The following MED16 variants were observed in gnomAD, a reference collection of about 807,000 sequenced individuals.
The protein encoded by MED16 is mediator of RNA polymerase II transcription subunit 16.
In MED16, 81 loss-of-function variants were observed where a neutral mutation model predicts 84.4. The observed-to-expected ratio is 0.96, with a 90% CI of 0.80 to 1.15. MED16 has a LOEUF of 1.15. MED16 is among the 50% of genes most tolerant of loss of function. The pLI is 0.00. For synonymous variants in MED16, 897 were observed against 552.2 expected (o/e 1.62, Z -8.76); for missense variants, 1,585 against 1,245.9 (o/e 1.27, Z -4.10).
At position 871,190 on chromosome 19, in the gene MED16, G is replaced by A. The variant is rs1167708374; in HGVS notation, c.2162C>T (p.Pro721Leu). Residue 721 changes from proline (P) to leucine (L), a missense_variant, in exon 13 of 16, where the codon CCC becomes CTC. Transcript: ENST00000325464. ...CAGGCTGGGGATAAGCAGCTGGCTG[G>A]GCAGCAGGCAGCATTCATCCACCAG... ...EALVDECCLLPSQLLIPSLDW... is the reference protein window; with the variant it reads ...EALVDECCLLLSQLLIPSLDW... 6.5e-6 allele frequency: 10 copies of A among 1,549,858 alleles called. No individual in the cohort carries two copies. The highest frequency in any genetic ancestry group is 4.8e-5 in the East Asian group (2 of 41,238).
chr19:891,966 T>C (rs1326413456), intron 1 of MED16, among the ~76,000 whole-genome samples: 5 of 118,748 alleles, frequency 4.2e-5, no homozygotes, highest in African/African-American at 1.4e-4. Context: ...GGGCTGAGTG[T>C]GACGGGGAAC....
intron 4 of MED16, among the ~76,000 whole-genome samples, chr19:889,171 G>A (rs915255234): frequency 5.9e-5 from 8 of 135,224 alleles, no homozygotes; most frequent in Non-Finnish European, 6.1e-5. Flanking sequence ...CCCTGGCCAC[G>A]CCTATCTTAA....
Position 871,947 on chromosome 19 carries a change from G to A in MED16, c.2077C>T (p.Leu693Phe), listed in dbSNP as rs770670775. The change falls in exon 12 of 16, where the codon CTC becomes TTC. Residue 693 changes from leucine to phenylalanine, a missense_variant. Leu to Phe is a conservative substitution (Grantham distance 22). Coordinates refer to ENST00000325464, the MANE Select transcript of MED16 (RefSeq NM_005481.3). ...QDSMSLLFRL[L>F]TKLWICCRDE... Reference sequence around the variant, plus strand: ...TCACAGCAGATCCAGAGCTTGGTGAGCAGGCGGAAGAGCAGGGACATGCTG... The same window carrying A: ...TCACAGCAGATCCAGAGCTTGGTGAACAGGCGGAAGAGCAGGGACATGCTG... 5.6e-6 allele frequency: 9 copies of A among 1,602,222 alleles called. No homozygotes were observed. Among genetic ancestry groups the A allele is most frequent in the East Asian group, 2.3e-5 (1 of 44,334 alleles).
intron 3 of MED16, 131 bp from the exon 4 acceptor site, chr19:889,938 A>T (rs1189562591): frequency 9.2e-7 from 1 of 1,092,280 alleles, no homozygotes; most frequent in Non-Finnish European, 1.3e-6. Context: ...AGCAGGTGGC[A>T]CAAGGCGCAC....
Position 889,504 on chromosome 19 carries a change from G to T in MED16, c.447+134C>A, listed in dbSNP as rs535109560. 8 of 979,264 alleles carry T rather than the reference G, an allele frequency of 8.2e-6. No homozygotes were observed. In the African/African-American group the frequency reaches 8.2e-5, roughly 10 times the overall value. 60.7% of individuals were successfully genotyped at this position (979,264 alleles called of 1,614,324 possible). On this transcript the variant is annotated intron_variant, in intron 4 of 15. Coordinates refer to ENST00000325464, the MANE Select transcript of MED16 (RefSeq NM_005481.3). ...AACACACAGGTGCTAATGACAGCCG[G>T]ACTGCAGGTGGGAGCCAAGTGCAAG... is the stretch of plus-strand genomic sequence containing the variant.
chr19:880,172 G>C, intron 7 of MED16, 24 bp from the exon 8 acceptor site: 1 of 1,594,844 alleles, frequency 6.3e-7, no homozygotes. Context: ...GCACTGCTTA[G>C]ACATGGGCAG....
At position 868,262 on chromosome 19, in the gene MED16, G is replaced by C. The variant is rs199606023; in HGVS notation, c.2484-11C>G. On this transcript the variant is annotated splice_polypyrimidine_tract_variant and intron_variant, in intron 15 of 15. Coordinates refer to ENST00000325464, the MANE Select transcript of MED16 (RefSeq NM_005481.3). ...CGGCCTTCAACAGCCCTGCAGGGCG[G>C]GCTGAGGTTAACCGCGCCGAGGAGA... 6.3e-6 allele frequency: 10 copies of C among 1,593,158 alleles called. No homozygotes were observed. The Admixed American group carries it at 1.8e-4, about 28-fold the overall frequency.
chr19:875,669 G>A (rs973519770), intron 9 of MED16, among the ~76,000 whole-genome samples: 1 of 152,212 alleles, frequency 6.6e-6, no homozygotes, highest in African/African-American at 2.4e-5. Context: ...GAGCGGCTCT[G>A]CCTCTGGTGG....
At chr19:890,511 T>C (rs1016969011) in intron 2 of MED16, 27 of 408,730 alleles carry the variant, frequency 6.6e-5, no homozygotes, top group African/African-American at 5.5e-4. Flanking sequence ...CCACAGCAGA[T>C]AATAGGTGGC....
In MED16 at chr19:873,561, T is replaced by A. The variant is rs777822721; in HGVS notation, c.1793A>T (p.Asn598Ile). The A allele has an allele frequency of 6.2e-7, 1 of 1,612,314 alleles. No homozygotes were observed. Among genetic ancestry groups the A allele is most frequent in the Non-Finnish European group, 8.5e-7 (1 of 1,179,678 alleles). Residue 598 changes from asparagine (N) to isoleucine (I), a missense_variant, in exon 11 of 16, where the codon AAC becomes ATC. Asn to Ile is a moderately radical substitution (Grantham distance 149). Coordinates refer to ENST00000325464, the MANE Select transcript of MED16 (RefSeq NM_005481.3). ...CAGCACAAATTCCTCCGTCTTGAGG[T>A]TGATCATGACCTTGTCAATGTCTAC... ...TDVDIDKVMI[N>I]LKTEEFVLDM...
intron 13 of MED16, among the ~76,000 whole-genome samples, chr19:870,512 G>GACGGCAC (rs1428871219): frequency 6.7e-6 from 1 of 149,736 alleles, no homozygotes; most frequent in Non-Finnish European, 1.5e-5. Context: ...AGTGGGCCAA[G>GACGGCAC]ACGGCACTAC....
At chr19:874,468 G>A (rs763849618) in intron 10 of MED16, among the ~76,000 whole-genome samples, 1 of 152,220 alleles carries the variant, frequency 6.6e-6, no homozygotes, top group South Asian at 2.1e-4. Flanking sequence ...TGTAATCCCA[G>A]CGCTTTGGGA....
rs1488438094 is a variant in MED16 at position 885,019 on chromosome 19, G to A, written c.880-11C>T. The A allele has an allele frequency of 6.3e-7, 1 of 1,584,626 alleles. No homozygotes were observed. On this transcript the variant is annotated splice_polypyrimidine_tract_variant and intron_variant, in intron 5 of 15. Transcript: ENST00000325464. ...CGCGCACAAAAGCACCTGCGGGGGA[G>A]GTGGGGGTGAGGGCTGACCCGGCAC...
chr19:875,957 A>G (rs757104731), intron 9 of MED16, among the ~76,000 whole-genome samples: 1 of 152,202 alleles, frequency 6.6e-6, no homozygotes, highest in African/African-American at 2.4e-5. Flanking sequence ...CAAAAAATAG[A>G]AACAACTAAA....
At chr19:871,507 G>A (rs954086240) in intron 12 of MED16, 9 of 1,527,696 alleles carry the variant, frequency 5.9e-6, no homozygotes, top group South Asian at 4.8e-5. Flanking sequence ...AAGTATGTGG[G>A]AAGCACTGTG....
At chr19:886,315 T>C in intron 4 of MED16, 114 bp from the exon 5 acceptor site, 1 of 928,690 alleles carries the variant, frequency 1.1e-6, no homozygotes, top group Non-Finnish European at 1.5e-6. Flanking sequence ...TGTGTGCACC[T>C]GGGTTCAGAT....
At chr19:870,905 G>A (rs1302309263) in intron 13 of MED16, 132 bp downstream of exon 13, 57 of 857,118 alleles carry the variant, frequency 6.7e-5, no homozygotes, top group Middle Eastern at 3.6e-4. Flanking sequence ...ACATGGAGGC[G>A]GGGAGCCGTG....
At chr19:889,102 C>T (rs548431350) in intron 4 of MED16, among the ~76,000 whole-genome samples, 4 of 140,368 alleles carry the variant, frequency 2.8e-5, no homozygotes, top group Admixed American at 7.0e-5. Flanking sequence ...ACCCTGGCCA[C>T]GCCTACTTCT....
At chr19:871,289 G>A in intron 12 of MED16, 36 bp from the exon 13 acceptor site, 8 of 1,512,612 alleles carry the variant, frequency 5.3e-6, no homozygotes, top group Non-Finnish European at 6.2e-6. Context: ...CAGCACCCCT[G>A]ACTGGGGCAC....
Sources: allele counts gnomAD v4.1 joint callset (sites outside exome capture counted in the v4.1 genomes callset), GRCh38; gene constraint gnomAD v4.1.1; transcripts MANE v1.5; gene names NCBI Gene and HGNC (gene_info 2026-07-23, HGNC 2026-07-21).